Variants in ITPK1 observed in about 807,000 individuals in gnomAD.
The protein encoded by ITPK1 is inositol-tetrakisphosphate 1-kinase.
ITPK1 carries 21 observed loss-of-function variants against 45.3 expected under a neutral mutation model. The observed-to-expected ratio is 0.46, with a 90% CI of 0.33 to 0.67. The LOEUF (loss-of-function observed/expected upper bound fraction) is 0.67, where lower values mean the gene tolerates loss of function less well. Ranked by LOEUF, ITPK1 falls within the 30% of genes least tolerant of loss-of-function variation. The pLI, the probability that ITPK1 is intolerant of heterozygous loss-of-function variation, is 0.02. For missense variants in ITPK1, 474 were observed against 573.5 expected, an observed-to-expected ratio of 0.83 and a Z score of 1.77; for synonymous variants, 258 against 253.6, an observed-to-expected ratio of 1.02 and a Z score of -0.16.
chr14:92,970,870 C>G (rs1214814617), intron 5 of ITPK1, among the ~76,000 whole-genome samples: 2 of 152,096 alleles, frequency 1.3e-5, no homozygotes, highest in East Asian at 3.9e-4. Context: ...CTCCTGACCC[C>G]GTGATCCGCC....
chr14:93,039,688 G>A (rs1384071561), intron 3 of ITPK1, among the ~76,000 whole-genome samples: 2 of 152,204 alleles, frequency 1.3e-5, no homozygotes, highest in African/African-American at 2.4e-5. Context: ...TCACAGGGTC[G>A]CTGTGATAAG....
chr14:93,100,328 C>T (rs1892257176), intron 2 of ITPK1, among the ~76,000 whole-genome samples: 1 of 152,160 alleles, frequency 6.6e-6, no homozygotes. Context: ...TTACTTAGCC[C>T]TTCTATGAGA....
Position 92,937,484 on chromosome 14 carries a change from G to C in ITPK1, c.*4077C>G, listed in dbSNP as rs896523983. ...TTGAAGGGAAAATGTAATCATTTCT[G>C]AAAAGGGGGGGTCTGGGTGCTCCTG... On this transcript the variant is annotated 3_prime_UTR_variant, in exon 11 of 11. Coordinates refer to ENST00000267615, the MANE Select transcript of ITPK1 (RefSeq NM_014216.6). 7 of 152,198 alleles carry C rather than the reference G, an allele frequency of 4.6e-5. No homozygotes were observed. Among genetic ancestry groups the C allele is most frequent in the African/African-American group, 1.7e-4 (7 of 41,436 alleles). The allele number at this position is 152,198 out of a possible 1,614,324, so 9.4% of individuals were successfully genotyped here. A position where few individuals can be genotyped will look rare whatever the true frequency, so the allele number is the denominator to read the frequency against.
chr14:93,049,282 G>A (rs1016455176), intron 3 of ITPK1, among the ~76,000 whole-genome samples: 1 of 152,204 alleles, frequency 6.6e-6, no homozygotes, highest in East Asian at 1.9e-4. Context: ...TGCATGCAGG[G>A]CTCTGTGCTA....
At chr14:93,022,816 G>A (rs955971768) in intron 3 of ITPK1, among the ~76,000 whole-genome samples, 2 of 151,874 alleles carry the variant, frequency 1.3e-5, no homozygotes, top group African/African-American at 4.8e-5. Flanking sequence ...GTGAGCCACT[G>A]TGCCTGGCCA....
chr14:92,962,470 T>C (rs1938999517), intron 6 of ITPK1, 75 bp from the exon 7 acceptor site: 9 of 1,011,116 alleles, frequency 8.9e-6, no homozygotes, highest in Non-Finnish European at 1.3e-5. Flanking sequence ...TTGGCACGTC[T>C]AGAAAGGAAC....
At chr14:93,112,786 T>C (rs1892803748) in intron 2 of ITPK1, among the ~76,000 whole-genome samples, 1 of 152,130 alleles carries the variant, frequency 6.6e-6, no homozygotes, top group South Asian at 2.1e-4. Context: ...ATTAGGGAAT[T>C]CATAGACAAT....
intron 3 of ITPK1, among the ~76,000 whole-genome samples, chr14:93,056,706 G>C (rs1212258900): frequency 1.3e-5 from 2 of 152,020 alleles, no homozygotes; most frequent in African/African-American, 2.4e-5. Context: ...CCCTCCTCCA[G>C]AGCCTGGTGT....
chr14:92,962,429 T>C, intron 6 of ITPK1, 34 bp from the exon 7 acceptor site: 2 of 1,499,146 alleles, frequency 1.3e-6, no homozygotes, highest in Non-Finnish European at 9.3e-7. Context: ...AGAGAGAAAT[T>C]AGTGAGGCCG....
In ITPK1 at chr14:93,115,277, A is replaced by G; in HGVS notation, c.-114T>C. 1 of 658,988 alleles carries G rather than the reference A, an allele frequency of 1.5e-6. No homozygotes were observed. The highest frequency in any genetic ancestry group is 3.2e-5 in the East Asian group (1 of 30,934). 40.8% of individuals were successfully genotyped at this position (658,988 alleles called of 1,614,324 possible). On this transcript the variant is annotated 5_prime_UTR_variant, in exon 2 of 11. Transcript: ENST00000267615. ...CCTCCTCCCGGCGGCGGGGACGCGG[A>G]ACGGGGATCGGAGCTGGGGCGCGCA...
At chr14:93,048,664 C>T (rs929057037) in intron 3 of ITPK1, among the ~76,000 whole-genome samples, 4 of 152,176 alleles carry the variant, frequency 2.6e-5, no homozygotes, top group Non-Finnish European at 5.9e-5. Context: ...AACACTCTTT[C>T]CCAGCTGGGC....
At chr14:92,952,907 C>G (rs933986411) in intron 8 of ITPK1, among the ~76,000 whole-genome samples, 2 of 152,268 alleles carry the variant, frequency 1.3e-5, no homozygotes, top group African/African-American at 4.8e-5. Flanking sequence ...AGGCCGAGTT[C>G]TGGAAAAGGC....
At chr14:93,045,966 C>A (rs541751112) in intron 3 of ITPK1, among the ~76,000 whole-genome samples, 39 of 152,220 alleles carry the variant, frequency 2.6e-4, no homozygotes, top group Non-Finnish European at 5.0e-4. Context: ...AGCTCACTGC[C>A]TCCCAAGCGG....
rs867355972 is a variant in ITPK1 at position 92,961,054 on chromosome 14, C to T, written c.504+1301G>A. On this transcript the variant is annotated intron_variant, in intron 7 of 10. Coordinates refer to ENST00000267615, the MANE Select transcript of ITPK1 (RefSeq NM_014216.6). ...TGCAGGCCAGGGATAAAGAGCAGTA[C>T]ATAACCCAGGAAAGGCCCATGCTGC... is the stretch of plus-strand genomic sequence containing the variant. 1.9e-4 allele frequency among the ~76,000 whole-genome samples: 29 copies of T among 152,380 alleles called. No homozygotes were observed. The Middle Eastern group carries it at 0.014, about 71-fold the overall frequency.
Position 93,038,071 on chromosome 14 carries a change from G to C in ITPK1, c.121-21270C>G, listed in dbSNP as rs7141574. Among the ~76,000 whole-genome samples, 2 of 130,252 alleles carry C rather than the reference G, an allele frequency of 1.5e-5. 1 individual carries two copies. Among genetic ancestry groups the C allele is most frequent in the Non-Finnish European group, 3.3e-5 (2 of 61,172 alleles). The allele number at this position is 130,252 out of a possible 152,430, so 85.5% of individuals were successfully genotyped here. A position where few individuals can be genotyped will look rare whatever the true frequency, so the allele number is the denominator to read the frequency against. ...CATGACATATTCTTTTTTTTTTTTT[G>C]AGATGGAGCCTTGCTCTGTTGCCCA... On this transcript the variant is annotated intron_variant, in intron 3 of 10. Transcript: ENST00000267615.
chr14:93,110,374 C>A (rs903091047), intron 2 of ITPK1, among the ~76,000 whole-genome samples: 1 of 152,298 alleles, frequency 6.6e-6, no homozygotes, highest in South Asian at 2.1e-4. Flanking sequence ...AAATACCCAC[C>A]CACAGACCAG....
chr14:92,939,192 C>T lies in ITPK1; in HGVS notation c.*2369G>A, dbSNP rs1399771513. 1.3e-5 allele frequency: 2 copies of T among 152,334 alleles called. No individual in the cohort carries two copies. Among genetic ancestry groups the T allele is most frequent in the Non-Finnish European group, 2.9e-5 (2 of 68,124 alleles). 9.4% of individuals were successfully genotyped at this position (152,334 alleles called of 1,614,324 possible). ...CAGTGACTCTGCTCAGGAGGCAGCG[C>T]CACCATGCTCTGGAGAAGAGGAGGC... is the stretch of plus-strand genomic sequence containing the variant. On this transcript the variant is annotated 3_prime_UTR_variant, in exon 11 of 11. Transcript: ENST00000267615.
In ITPK1 at chr14:92,988,144, G is replaced by T. The variant is rs1036611490; in HGVS notation, c.364+5736C>A. On this transcript the variant is annotated intron_variant, in intron 5 of 10. Coordinates refer to ENST00000267615, the MANE Select transcript of ITPK1 (RefSeq NM_014216.6). ...TCCAAGAAAGGGAACCACAAACCAA[G>T]CACCTCCCCTGAGAGACCCTACCTC... Among the ~76,000 whole-genome samples, 5 of 152,210 alleles carry T rather than the reference G, an allele frequency of 3.3e-5. No individual in the cohort carries two copies. The South Asian group carries it at 8.3e-4, about 25-fold the overall frequency.
In ITPK1 at chr14:92,962,797, A is replaced by G. The variant is rs751480924; in HGVS notation, c.417T>C (p.Asp139=). ...PFMELTSLCG[D]DTMRLLEKNG... ...TCTTCTCCAGCAGCCGCATGGTGTC[A>G]TCCCCGCACAGGCTCGTGAGCTCCA... The change falls in exon 6 of 11, where the codon GAT becomes GAC. Residue 139 remains aspartate, a synonymous_variant. Coordinates refer to ENST00000267615, the MANE Select transcript of ITPK1 (RefSeq NM_014216.6). The G allele has an allele frequency of 1.2e-6, 2 of 1,614,040 alleles. No individual in the cohort carries two copies. The highest frequency in any genetic ancestry group is 1.7e-6 in the Non-Finnish European group (2 of 1,179,966).
Sources: allele counts gnomAD v4.1 joint callset (sites outside exome capture counted in the v4.1 genomes callset), GRCh38; gene constraint gnomAD v4.1.1; transcripts MANE v1.5; gene names NCBI Gene and HGNC (gene_info 2026-07-23, HGNC 2026-07-21).